Variants in FGF4 observed in about 807,000 individuals in gnomAD.
FGF4 encodes the protein heparin secretory transforming protein 1.
A neutral mutation model predicts 15.7 loss-of-function variants in FGF4; 9 were observed. That is an observed-to-expected ratio of 0.57 (90% CI 0.35 to 1.00). The LOEUF (loss-of-function observed/expected upper bound fraction) is 1.00, where lower values mean the gene tolerates loss of function less well. Ranked by LOEUF, FGF4 falls within the 50% of genes least tolerant of loss-of-function variation. FGF4 has a pLI of 0.02. For synonymous variants in FGF4, 164 were observed against 144.8 expected, an observed-to-expected ratio of 1.13 and a Z score of -0.95; for missense variants, 286 against 297.3, an observed-to-expected ratio of 0.96 and a Z score of 0.28.
rs1855566721 is a variant in FGF4 at position 69,771,427 on chromosome 11, C to T, written c.*1882G>A. 6.6e-6 allele frequency: 1 copy of T among 152,176 alleles called. No homozygotes were observed. The highest frequency in any genetic ancestry group is 1.5e-5 in the Non-Finnish European group (1 of 68,032). The allele number at this position is 152,176 out of a possible 1,614,324, so 9.4% of individuals were successfully genotyped here. ...CATTTAAGACAATCATGGTTTGTTACTAAGTGAATACATTAAAATTCAGAA... is the reference window on the plus strand; with the variant it reads ...CATTTAAGACAATCATGGTTTGTTATTAAGTGAATACATTAAAATTCAGAA... On this transcript the variant is annotated 3_prime_UTR_variant, in exon 3 of 3. Transcript: ENST00000168712.
chr11:69,773,466 C>A lies in FGF4; in HGVS notation c.464G>T (p.Cys155Phe). Residue 155 changes from cysteine to phenylalanine, a missense_variant, in exon 3 of 3, where the codon TGC becomes TTC. Coordinates refer to ENST00000168712, the MANE Select transcript of FGF4 (RefSeq NM_002007.4). Reference sequence around the variant, plus strand: ...GGGAAGGAGAATCTCCTTGAACGTGCACTCATCGGTGAAGAAGGGCTGCAG... The same window carrying A: ...GGGAAGGAGAATCTCCTTGAACGTGAACTCATCGGTGAAGAAGGGCTGCAG... ...LYGSPFFTDE[C>F]TFKEILLPNN... 1 of 1,614,158 alleles carries A rather than the reference C, an allele frequency of 6.2e-7. No individual in the cohort carries two copies. Among genetic ancestry groups the A allele is most frequent in the Non-Finnish European group, 8.5e-7 (1 of 1,180,022 alleles).
In FGF4 at chr11:69,775,062, GC is replaced by G; in HGVS notation, c.22del (p.Ala8ArgfsTer2). 1 of 1,352,328 alleles carries G rather than the reference GC, an allele frequency of 7.4e-7. No homozygotes were observed. Among genetic ancestry groups the G allele is most frequent in the South Asian group, 1.9e-5 (1 of 53,674 alleles). The allele number at this position is 1,352,328 out of a possible 1,614,324, so 83.8% of individuals were successfully genotyped here. A position where few individuals can be genotyped will look rare whatever the true frequency, so the allele number is the denominator to read the frequency against. On this transcript the variant is annotated frameshift_variant, in exon 1 of 3. Coordinates refer to ENST00000168712, the MANE Select transcript of FGF4 (RefSeq NM_002007.4). LOFTEE classifies it high-confidence loss of function. MSGPGTA[A>X]VALLPAVLLA... ...CAGGACCGCCGGGAGCAGCGCTACC[GC>G]GGCCGTCCCGGGCCCCGACATCCCG...
chr11:69,771,634 C>T lies in FGF4; in HGVS notation c.*1675G>A, dbSNP rs1192475050. ...GTCTTAGCGGCTTTGCAAGTGTCTT[C>T]TTTCTTCCAGGCCTTGGTTAAGAAT... is the stretch of plus-strand genomic sequence containing the variant. On this transcript the variant is annotated 3_prime_UTR_variant, in exon 3 of 3. Coordinates refer to ENST00000168712, the MANE Select transcript of FGF4 (RefSeq NM_002007.4). 6.6e-6 allele frequency: 1 copy of T among 152,210 alleles called. No homozygotes were observed. Among genetic ancestry groups the T allele is most frequent in the African/African-American group, 2.4e-5 (1 of 41,442 alleles). 9.4% of individuals were successfully genotyped at this position (152,210 alleles called of 1,614,324 possible).
In FGF4 at chr11:69,775,266, G is replaced by T. The variant is rs1407632446; in HGVS notation, c.-182C>A. On this transcript the variant is annotated 5_prime_UTR_variant, in exon 1 of 3. Transcript: ENST00000168712. ...CGCCGGGCTCTACCCCGGCTGCATG[G>T]AGCGGCGAGCCGGGCGGAAAGCGCG... 2.5e-6 allele frequency: 1 copy of T among 397,158 alleles called. No homozygotes were observed. The highest frequency in any genetic ancestry group is 4.4e-6 in the Non-Finnish European group (1 of 228,636). The allele number at this position is 397,158 out of a possible 1,614,324, so 24.6% of individuals were successfully genotyped here. A position where few individuals can be genotyped will look rare whatever the true frequency, so the allele number is the denominator to read the frequency against.
In FGF4 at chr11:69,774,728, C is replaced by G. The variant is rs1336041747; in HGVS notation, c.340+17G>C. Reference sequence around the variant, plus strand: ...GCCCCCCGCCCCCGCCCCTTCGCGCCTGGCCGCGCCACTCACTGTCGCGGG... The same window carrying G: ...GCCCCCCGCCCCCGCCCCTTCGCGCGTGGCCGCGCCACTCACTGTCGCGGG... On this transcript the variant is annotated intron_variant, in intron 1 of 2. Coordinates refer to ENST00000168712, the MANE Select transcript of FGF4 (RefSeq NM_002007.4). 2.1e-6 allele frequency: 3 copies of G among 1,434,974 alleles called. No individual in the cohort carries two copies. In the South Asian group the frequency reaches 4.2e-5, roughly 20 times the overall value. 88.9% of individuals were successfully genotyped at this position (1,434,974 alleles called of 1,614,324 possible). A position where few individuals can be genotyped will look rare whatever the true frequency, so the allele number is the denominator to read the frequency against.
At chr11:69,774,709 C>G (rs1038737701) in intron 1 of FGF4, 36 bp downstream of exon 1, 9 of 1,368,978 alleles carry the variant, frequency 6.6e-6, no homozygotes, top group Non-Finnish European at 7.5e-6. Context: ...CGTTGCCCCC[C>G]GCCCCCGCCC....
rs910738199 is a variant in FGF4 at position 69,773,799 on chromosome 11, G to A, written c.444+225C>T. ...AGAGAAGGGAAGGGCTCTCAATAGC[G>A]CCCTTTCCTCGGTCTGGGAGGGGCC... On this transcript the variant is annotated intron_variant, in intron 2 of 2. Transcript: ENST00000168712. Among the ~76,000 whole-genome samples, 5 of 152,248 alleles carry A rather than the reference G, an allele frequency of 3.3e-5. 1 individual carries two copies. In the South Asian group the frequency reaches 8.3e-4, roughly 25 times the overall value.
Sources: gnomAD v4.1 joint callset for allele counts (sites outside exome capture counted in the v4.1 genomes callset) on GRCh38, gnomAD v4.1.1 for gene constraint, MANE v1.5 for transcripts, NCBI Gene and HGNC (gene_info 2026-07-23, HGNC 2026-07-21) for gene names.